EEFSEC: variants seen among roughly 807,000 people sequenced by gnomAD.
EEFSEC encodes eukaryotic elongation factor, selenocysteine-tRNA specific, also known as selenocysteine-specific elongation factor.
Under a neutral mutation model 42.1 loss-of-function variants are expected in EEFSEC, and 43 were observed. The observed-to-expected ratio is 1.02, with a 90% CI of 0.80 to 1.32. EEFSEC has a LOEUF of 1.32. Among genes scored for constraint, EEFSEC ranks in the 40% most tolerant of loss-of-function variants. The pLI, the probability that EEFSEC is intolerant of heterozygous loss-of-function variation, is 0.00. For missense variants in EEFSEC, 745 were observed against 803.6 expected, an observed-to-expected ratio of 0.93 and a Z score of 0.88; for synonymous variants, 354 against 339.1, an observed-to-expected ratio of 1.04 and a Z score of -0.48.
chr3:128,266,171 A>G (rs752636996), intron 4 of EEFSEC, among the ~76,000 whole-genome samples: 3 of 152,182 alleles, frequency 2.0e-5, no homozygotes, highest in Non-Finnish European at 2.9e-5. Context: ...TTTACTCAAC[A>G]TCCACCAATT....
At chr3:128,298,660 T>A (rs1445869096) in intron 4 of EEFSEC, among the ~76,000 whole-genome samples, 1 of 152,232 alleles carries the variant, frequency 6.6e-6, no homozygotes, top group South Asian at 2.1e-4. Context: ...CAGCCTACTG[T>A]ACGTTAGAAC....
chr3:128,256,228 T>C (rs2066240433), intron 2 of EEFSEC, among the ~76,000 whole-genome samples: 1 of 152,204 alleles, frequency 6.6e-6, no homozygotes, highest in Non-Finnish European at 1.5e-5. Flanking sequence ...CTCAGTGCCT[T>C]CAGCAGGTAA....
intron 6 of EEFSEC, 66 bp from the exon 7 acceptor site, chr3:128,408,003 G>C: frequency 7.0e-6 from 10 of 1,435,304 alleles, no homozygotes; most frequent in Non-Finnish European, 9.3e-6. Context: ...CAGCAGGTGC[G>C]CGGGCAGGGA....
At position 128,264,785 on chromosome 3, in the gene EEFSEC, A is replaced by G. The variant is rs1160271932; in HGVS notation, c.786+4A>G. The G allele has an allele frequency of 1.2e-6, 2 of 1,612,292 alleles. No individual in the cohort carries two copies. Among genetic ancestry groups the G allele is most frequent in the Non-Finnish European group, 8.5e-7 (1 of 1,178,694 alleles). On this transcript the variant is annotated splice_donor_region_variant and intron_variant, in intron 4 of 6. Coordinates refer to ENST00000254730, the MANE Select transcript of EEFSEC (RefSeq NM_021937.5). ...TGTGGAGATCCCTGCCCTCAAGGTC[A>G]GTCTTACCTTGTCTTCCCTTCTGGC...
intron 1 of EEFSEC, among the ~76,000 whole-genome samples, chr3:128,207,408 C>T (rs2065708971): frequency 6.6e-6 from 1 of 151,964 alleles, no homozygotes; most frequent in Non-Finnish European, 1.5e-5. Flanking sequence ...GAAGAGGAGC[C>T]ACATTGTTTG....
the EEFSEC span, among the ~76,000 whole-genome samples, chr3:128,414,369 C>T: frequency 6.6e-6 from 1 of 152,204 alleles, no homozygotes; most frequent in Non-Finnish European, 1.5e-5. Flanking sequence ...TCTTCAGCTC[C>T]TTCTAGGGTA....
At chr3:128,369,327 C>T (rs78471205) in intron 6 of EEFSEC, among the ~76,000 whole-genome samples, 2,826 of 152,316 alleles carry the variant, frequency 0.019, 94 homozygotes, top group African/African-American at 0.063. Flanking sequence ...AGACAATGGG[C>T]TGTGAGGCTG....
In EEFSEC at chr3:128,389,750, C is replaced by T. The variant is rs543530878; in HGVS notation, c.1601-18319C>T. Among the ~76,000 whole-genome samples the T allele has an allele frequency of 1.2e-4, 18 of 152,372 alleles. No homozygotes were observed. In the South Asian group the frequency reaches 1.7e-3, roughly 14 times the overall value. ...TTGGGAAAGGGAGGCCTTGGCTTAA[C>T]GCCGAGAGCCTCATCTGCCAGCAGA... On this transcript the variant is annotated intron_variant, in intron 6 of 6. Transcript: ENST00000254730.
chr3:128,352,963 T>C (rs748339768), intron 5 of EEFSEC, among the ~76,000 whole-genome samples: 1 of 152,246 alleles, frequency 6.6e-6, no homozygotes, highest in Non-Finnish European at 1.5e-5. Context: ...TTTCTCTTAT[T>C]CTATTGTCTC....
chr3:128,317,105 G>A lies in EEFSEC; in HGVS notation c.787-24128G>A, dbSNP rs1007458496. Among the ~76,000 whole-genome samples, 1 of 152,164 alleles carries A rather than the reference G, an allele frequency of 6.6e-6. No individual in the cohort carries two copies. The highest frequency in any genetic ancestry group is 1.5e-5 in the Non-Finnish European group (1 of 68,022). On this transcript the variant is annotated intron_variant, in intron 4 of 6. Transcript: ENST00000254730. This position sits in a 1 kb window ranked among gnomAD's most constrained non-coding sequence, Gnocchi z 4.1. ...AGAAAGAAAAATAGAAGACGTTCTGGCAGGCTGGGGGTTAGAGTTTTCCAA... is the reference window on the plus strand; with the variant it reads ...AGAAAGAAAAATAGAAGACGTTCTGACAGGCTGGGGGTTAGAGTTTTCCAA...
rs538281492 is a variant in EEFSEC at position 128,312,507 on chromosome 3, G to A, written c.787-28726G>A. ...CCTTTGTTTGGTGTGGGCACCCACCGGGGTTCAGAATACCAGTGTTTAGAA... is the reference window on the plus strand; with the variant it reads ...CCTTTGTTTGGTGTGGGCACCCACCAGGGTTCAGAATACCAGTGTTTAGAA... On this transcript the variant is annotated intron_variant, in intron 4 of 6. Transcript: ENST00000254730. 3.9e-5 allele frequency among the ~76,000 whole-genome samples: 6 copies of A among 152,402 alleles called. No homozygotes were observed. The South Asian group carries it at 8.3e-4, about 21-fold the overall frequency.
chr3:128,257,630 C>T (rs1301031107), intron 2 of EEFSEC, among the ~76,000 whole-genome samples: 1 of 152,204 alleles, frequency 6.6e-6, no homozygotes, highest in Non-Finnish European at 1.5e-5. Context: ...TTTATCACAC[C>T]TTTCCAGAGC....
intron 6 of EEFSEC, among the ~76,000 whole-genome samples, chr3:128,378,130 G>C (rs1413429575): frequency 1.3e-5 from 2 of 152,180 alleles, no homozygotes; most frequent in Non-Finnish European, 2.9e-5. Flanking sequence ...ATTCTGACCT[G>C]CAGATCTCCA....
Position 128,153,534 on chromosome 3 carries a change from C to T in EEFSEC, c.27C>T (p.Asn9=). The change falls in exon 1 of 7, where the codon AAC becomes AAT. Residue 9 remains asparagine, a synonymous_variant. Transcript: ENST00000254730. ...TGGCAGGGCGGCGGGTGAACGTGAA[C>T]GTGGGCGTGCTGGGCCACATCGACA... MAGRRVNV[N]VGVLGHIDSG... 2 of 1,519,470 alleles carry T rather than the reference C, an allele frequency of 1.3e-6. No individual in the cohort carries two copies. Among genetic ancestry groups the T allele is most frequent in the Non-Finnish European group, 1.8e-6 (2 of 1,139,926 alleles). The allele number at this position is 1,519,470 out of a possible 1,614,324, so 94.1% of individuals were successfully genotyped here.
chr3:128,415,269 C>T, the EEFSEC span, among the ~76,000 whole-genome samples: 11 of 152,192 alleles, frequency 7.2e-5, no homozygotes, highest in East Asian at 2.1e-3. Flanking sequence ...CCAGGGAGGG[C>T]TCTGCGGTGC....
intron 4 of EEFSEC, among the ~76,000 whole-genome samples, chr3:128,282,729 C>CT (rs2066540984): frequency 1.3e-5 from 2 of 152,336 alleles, no homozygotes; most frequent in South Asian, 4.1e-4. Context: ...AATCTAGGGA[C>CT]TGTTACCTCC....
chr3:128,181,372 A>G (rs1284774104), intron 1 of EEFSEC, among the ~76,000 whole-genome samples: 1 of 152,226 alleles, frequency 6.6e-6, no homozygotes, highest in East Asian at 1.9e-4. Context: ...GCCTATGCCG[A>G]CATTCTTCTA....
chr3:128,373,455 C>A (rs946798034), intron 6 of EEFSEC, among the ~76,000 whole-genome samples: 20 of 152,222 alleles, frequency 1.3e-4, no homozygotes, highest in Admixed American at 7.2e-4. Flanking sequence ...ACTCCTGGAA[C>A]CTGTCTCCAG....
rs116061835 is a variant in EEFSEC at position 128,157,550 on chromosome 3, C to G, written c.316+3727C>G. Among the ~76,000 whole-genome samples the G allele has an allele frequency of 5.1e-3, 777 of 152,292 alleles. 12 individuals carry two copies. Among genetic ancestry groups the G allele is most frequent in the African/African-American group, 0.018 (751 of 41,564 alleles). On this transcript the variant is annotated intron_variant, in intron 1 of 6. Transcript: ENST00000254730. ...TGCAGCTGAAGCCATTGCTCATTGA[C>G]CATTCCAAAAATCCTAGGGCCCTTA...
Sources: gnomAD v4.1 joint callset for allele counts (sites outside exome capture counted in the v4.1 genomes callset) on GRCh38, gnomAD v4.1.1 for gene constraint, Gnocchi (gnomAD v3.1) non-coding constraint, MANE v1.5 for transcripts, NCBI Gene and HGNC (gene_info 2026-07-23, HGNC 2026-07-21) for gene names.